RALYL: variants seen among roughly 807,000 people sequenced by gnomAD.
RALYL encodes the protein RNA-binding Raly-like protein.
In RALYL, 29 loss-of-function variants were observed where a neutral mutation model predicts 35.1. The observed-to-expected ratio is 0.83, with a 90% confidence interval of 0.61 to 1.13. The LOEUF (loss-of-function observed/expected upper bound fraction) is 1.13. Among genes scored for constraint, RALYL ranks in the 50% most tolerant of loss-of-function variants. The pLI is 0.00. For missense variants in RALYL, 359 were observed against 360.4 expected (o/e 1.00, Z 0.03); for synonymous variants, 120 against 127.6 (o/e 0.94, Z 0.40).
chr8:84,624,974 G>T (rs1162064933), intron 2 of RALYL, among the ~76,000 whole-genome samples: 2 of 152,096 alleles, frequency 1.3e-5, no homozygotes, highest in Non-Finnish European at 2.9e-5. Context: ...ATAGAGAAAT[G>T]CATTCATAGA....
chr8:84,840,635 T>C lies in RALYL; in HGVS notation c.366-9345T>C, dbSNP rs376244030. 2.9e-3 allele frequency among the ~76,000 whole-genome samples: 448 copies of C among 152,128 alleles called. 1 individual carries two copies. Among genetic ancestry groups the C allele is most frequent in the African/African-American group, 0.011 (436 of 41,490 alleles). ...CAGAGAACGCCACAAAGATGCTACT[T>C]GAGAAGAGCAACTCCAAGACACATA... is the stretch of plus-strand genomic sequence containing the variant. On this transcript the variant is annotated intron_variant, in intron 4 of 8. Coordinates refer to ENST00000521268, the MANE Select transcript of RALYL (RefSeq NM_173848.7).
At chr8:84,477,996 AAC>A (rs2053615656) in intron 1 of RALYL, among the ~76,000 whole-genome samples, 1 of 152,094 alleles carries the variant, frequency 6.6e-6, no homozygotes, top group Admixed American at 6.5e-5. Context: ...TGAATAAATG[AAC>A]AGTTTTTAAA....
chr8:84,904,560 A>G (rs1846175343), intron 8 of RALYL, among the ~76,000 whole-genome samples: 2 of 152,174 alleles, frequency 1.3e-5, no homozygotes, highest in Non-Finnish European at 2.9e-5. Flanking sequence ...AACCAAACCT[A>G]TTACATATAT....
At chr8:84,760,064 T>C (rs1812328484) in intron 2 of RALYL, among the ~76,000 whole-genome samples, 1 of 152,144 alleles carries the variant, frequency 6.6e-6, no homozygotes, top group African/African-American at 2.4e-5. Context: ...TTAATATTTA[T>C]TCATAAACAA....
chr8:84,447,843 A>G (rs2049017732), intron 1 of RALYL, among the ~76,000 whole-genome samples: 1 of 152,004 alleles, frequency 6.6e-6, no homozygotes, highest in African/African-American at 2.4e-5. Context: ...AAGAAAATCT[A>G]TGGTTCACCT....
intron 5 of RALYL, among the ~76,000 whole-genome samples, chr8:84,861,797 G>A (rs751105469): frequency 8.5e-5 from 13 of 152,154 alleles, no homozygotes; most frequent in Non-Finnish European, 1.6e-4. Context: ...CTTGAAGCTG[G>A]TTTTACTTTT....
intron 4 of RALYL, among the ~76,000 whole-genome samples, chr8:84,844,582 C>A (rs1055541178): frequency 1.1e-4 from 17 of 152,274 alleles, no homozygotes; most frequent in African/African-American, 3.1e-4. Context: ...GGATCCAGAA[C>A]TAGAAATACC....
intron 1 of RALYL, among the ~76,000 whole-genome samples, chr8:84,382,404 A>G (rs185070188): frequency 7.7e-4 from 117 of 151,846 alleles, no homozygotes; most frequent in African/African-American, 2.8e-3. Context: ...GCATAAAGAA[A>G]ATGCATCAAC....
chr8:84,701,873 C>T (rs1228859018), intron 2 of RALYL, among the ~76,000 whole-genome samples: 1 of 152,156 alleles, frequency 6.6e-6, no homozygotes, highest in East Asian at 1.9e-4. Flanking sequence ...TCTCCTGTTT[C>T]CTGCACAACT....
chr8:84,725,278 G>C (rs184400812), intron 2 of RALYL, among the ~76,000 whole-genome samples: 138 of 151,750 alleles, frequency 9.1e-4, no homozygotes, highest in Non-Finnish European at 1.2e-3. Flanking sequence ...ACATTGCTAT[G>C]ACAAAATATC....
chr8:84,753,578 G>A (rs1466124767), intron 2 of RALYL, among the ~76,000 whole-genome samples: 1 of 152,102 alleles, frequency 6.6e-6, no homozygotes, highest in African/African-American at 2.4e-5. Context: ...CTGGATCATG[G>A]GGATGGCAGA....
intron 1 of RALYL, among the ~76,000 whole-genome samples, chr8:84,228,233 G>C (rs1434822549): frequency 6.6e-6 from 1 of 151,736 alleles, no homozygotes; most frequent in Non-Finnish European, 1.5e-5. Flanking sequence ...TGGGAGATGA[G>C]GGTGGAGGAG....
intron 4 of RALYL, among the ~76,000 whole-genome samples, chr8:84,827,307 A>C (rs1248128564): frequency 6.6e-6 from 1 of 152,180 alleles, no homozygotes; most frequent in Non-Finnish European, 1.5e-5. Flanking sequence ...CGAGTTTTCT[A>C]ATAAAATATG....
At chr8:84,386,109 C>G (rs1315997700) in intron 1 of RALYL, among the ~76,000 whole-genome samples, 1 of 151,712 alleles carries the variant, frequency 6.6e-6, no homozygotes, top group East Asian at 2.0e-4. Flanking sequence ...ATCACCAGGT[C>G]ACTGCAGAGT....
At chr8:84,318,056 A>T (rs187051238) in intron 1 of RALYL, among the ~76,000 whole-genome samples, 6 of 152,340 alleles carry the variant, frequency 3.9e-5, no homozygotes, top group Admixed American at 1.3e-4. Flanking sequence ...GCCATAAAAC[A>T]TGTCTACCTT....
intron 1 of RALYL, among the ~76,000 whole-genome samples, chr8:84,457,881 TTTAGGTAA>T (rs2050319994): frequency 6.6e-6 from 1 of 151,852 alleles, no homozygotes; most frequent in Non-Finnish European, 1.5e-5. Context: ...ATTGAACTTG[TTTAGGTAA>T]TTATCTGTCT....
At chr8:84,519,330 C>T (rs528835273) in intron 1 of RALYL, among the ~76,000 whole-genome samples, 23 of 152,214 alleles carry the variant, frequency 1.5e-4, no homozygotes, top group South Asian at 6.2e-4. Context: ...ACTTTTTAAA[C>T]GGCCATCCTC....
chr8:84,476,218 A>C, intron 1 of RALYL, among the ~76,000 whole-genome samples: 1 of 152,182 alleles, frequency 6.6e-6, no homozygotes, highest in South Asian at 2.1e-4. Context: ...TGCTAATTTC[A>C]ATGTGAGATG....
chr8:84,458,407 A>T (rs142902323), intron 1 of RALYL, among the ~76,000 whole-genome samples: 2,511 of 151,948 alleles, frequency 0.017, 70 homozygotes, highest in African/African-American at 0.057. Context: ...GTTTTAAAGA[A>T]CACATAGGGT....
Sources: gnomAD v4.1 joint callset for allele counts (sites outside exome capture counted in the v4.1 genomes callset) on GRCh38, gnomAD v4.1.1 for gene constraint, MANE v1.5 for transcripts, NCBI Gene and HGNC (gene_info 2026-07-23, HGNC 2026-07-21) for gene names.